The following NAALADL2 variants were observed in gnomAD, a reference collection of about 807,000 sequenced individuals.
The protein encoded by NAALADL2 is inactive N-acetylated-alpha-linked acidic dipeptidase-like protein 2.
Under a neutral mutation model 87.2 loss-of-function variants are expected in NAALADL2, and 76 were observed. The observed-to-expected ratio is 0.87, with a 90% CI of 0.72 to 1.05. The LOEUF (loss-of-function observed/expected upper bound fraction) is 1.05. NAALADL2 is among the 50% of genes least tolerant of loss of function. The pLI, the probability that NAALADL2 is intolerant of heterozygous loss-of-function variation, is 0.00. For missense variants in NAALADL2, 1,089 were observed against 945.8 expected, an observed-to-expected ratio of 1.15 and a Z score of -1.99; for synonymous variants, 354 against 331.0, an observed-to-expected ratio of 1.07 and a Z score of -0.75.
intron 2 of NAALADL2, among the ~76,000 whole-genome samples, chr3:174,633,532 A>C (rs571830961): frequency 6.6e-6 from 1 of 152,338 alleles, no homozygotes; most frequent in East Asian, 1.9e-4. Flanking sequence ...AATAAATAAC[A>C]GATAGCTAGA....
chr3:174,522,096 C>T (rs1720339481), intron 1 of NAALADL2, among the ~76,000 whole-genome samples: 1 of 152,016 alleles, frequency 6.6e-6, no homozygotes, highest in East Asian at 1.9e-4. Flanking sequence ...GAGACTCTGT[C>T]TCAAAAGAAA....
chr3:175,643,997 G>C (rs1267472169), intron 11 of NAALADL2, among the ~76,000 whole-genome samples: 1 of 152,098 alleles, frequency 6.6e-6, no homozygotes, highest in Non-Finnish European at 1.5e-5. Context: ...AGTCTGATAT[G>C]TGTAAGAGGT....
At chr3:174,969,836 A>C (rs918584177) in intron 1 of NAALADL2, among the ~76,000 whole-genome samples, 2 of 152,204 alleles carry the variant, frequency 1.3e-5, no homozygotes, top group Admixed American at 1.3e-4. Context: ...CAGTAGCAGA[A>C]GACAGAAAAT....
chr3:174,834,022 C>G (rs1723041133), intron 3 of NAALADL2, among the ~76,000 whole-genome samples: 3 of 150,272 alleles, frequency 2.0e-5, no homozygotes, highest in Admixed American at 2.0e-4. Context: ...CAATTTCTGT[C>G]TAACGTTGTA....
chr3:174,607,484 A>G (rs2108628404), intron 2 of NAALADL2, among the ~76,000 whole-genome samples: 1 of 150,352 alleles, frequency 6.7e-6, no homozygotes, highest in Admixed American at 6.6e-5. Context: ...CTACCAAGCA[A>G]ATGGAAAACA....
At chr3:174,586,807 T>C (rs1239535889) in intron 2 of NAALADL2, among the ~76,000 whole-genome samples, 1 of 152,164 alleles carries the variant, frequency 6.6e-6, no homozygotes, top group Non-Finnish European at 1.5e-5. Flanking sequence ...GCATCTACTA[T>C]ATAAAAAGGT....
intron 11 of NAALADL2, among the ~76,000 whole-genome samples, chr3:175,653,744 A>G (rs1582785097): frequency 1.3e-5 from 2 of 152,292 alleles, no homozygotes; most frequent in South Asian, 4.1e-4. Context: ...TCAAAGGTGT[A>G]ATCTCACAAG....
At chr3:175,660,533 AGCT>A (rs1326260478) in intron 11 of NAALADL2, among the ~76,000 whole-genome samples, 1 of 152,088 alleles carries the variant, frequency 6.6e-6, no homozygotes, top group Non-Finnish European at 1.5e-5. Flanking sequence ...CTTCCCTTCT[AGCT>A]ATTTTGAAAT....
chr3:175,758,726 T>C (rs1036323042), intron 13 of NAALADL2, among the ~76,000 whole-genome samples: 2 of 152,042 alleles, frequency 1.3e-5, no homozygotes, highest in Non-Finnish European at 2.9e-5. Flanking sequence ...ATAATGATAA[T>C]TATATAGAGA....
intron 2 of NAALADL2, among the ~76,000 whole-genome samples, chr3:174,601,178 A>T (rs1470898570): frequency 6.6e-6 from 1 of 152,114 alleles, no homozygotes; most frequent in East Asian, 1.9e-4. Flanking sequence ...TCTGGATCAT[A>T]TGGTAGCTCT....
chr3:174,630,817 G>A (rs1578371645), intron 2 of NAALADL2, among the ~76,000 whole-genome samples: 1 of 152,244 alleles, frequency 6.6e-6, no homozygotes, highest in African/African-American at 2.4e-5. Context: ...TTGGCTTCAG[G>A]TGAGATCTGT....
chr3:175,379,207 C>G (rs985409741), intron 5 of NAALADL2, among the ~76,000 whole-genome samples: 3 of 143,850 alleles, frequency 2.1e-5, no homozygotes, highest in African/African-American at 7.7e-5. Flanking sequence ...TTTTTTTTTT[C>G]CTGTAGAATA....
chr3:175,536,065 G>A (rs1489664451), intron 9 of NAALADL2, among the ~76,000 whole-genome samples: 1 of 152,154 alleles, frequency 6.6e-6, no homozygotes, highest in African/African-American at 2.4e-5. Flanking sequence ...ACAACCATCT[G>A]CACATGGGCT....
intron 2 of NAALADL2, among the ~76,000 whole-genome samples, chr3:174,596,373 C>A (rs963284595): frequency 6.6e-6 from 1 of 152,128 alleles, no homozygotes; most frequent in African/African-American, 2.4e-5. Context: ...ATATTATTGA[C>A]CTGCTTCTCT....
chr3:175,209,706 G>GATATAT (rs145591532), intron 2 of NAALADL2, among the ~76,000 whole-genome samples: 13,706 of 149,374 alleles, frequency 0.092, 778 homozygotes, highest in East Asian at 0.19. Context: ...AGTTATTTTG[G>GATATAT]ATATATATAT....
At chr3:175,624,725 C>T (rs1726739903) in intron 10 of NAALADL2, among the ~76,000 whole-genome samples, 1 of 151,898 alleles carries the variant, frequency 6.6e-6, no homozygotes, top group East Asian at 1.9e-4. Flanking sequence ...TGAAGAAAGC[C>T]TAAAATATGA....
chr3:175,280,111 T>A (rs1235536819), intron 4 of NAALADL2, among the ~76,000 whole-genome samples: 1 of 152,008 alleles, frequency 6.6e-6, no homozygotes, highest in African/African-American at 2.4e-5. Flanking sequence ...CATCTGTTTA[T>A]TTCTTGGTAG....
chr3:174,782,727 C>T (rs1560221133), intron 3 of NAALADL2, among the ~76,000 whole-genome samples: 1 of 151,982 alleles, frequency 6.6e-6, no homozygotes. Flanking sequence ...ACAGGTCCTT[C>T]TTCACATGTT....
At chr3:174,844,997 G>A (rs1724456118) in intron 3 of NAALADL2, among the ~76,000 whole-genome samples, 2 of 151,782 alleles carry the variant, frequency 1.3e-5, no homozygotes, top group African/African-American at 4.8e-5. Context: ...GAGTGGGGCT[G>A]CCTCCAGGCT....
Sources: allele counts gnomAD v4.1 joint callset (sites outside exome capture counted in the v4.1 genomes callset), GRCh38; gene constraint gnomAD v4.1.1; transcripts MANE v1.5; gene names NCBI Gene and HGNC (gene_info 2026-07-23, HGNC 2026-07-21).